Variants in HECW2 observed in about 807,000 individuals in gnomAD.
HECW2 encodes E3 ubiquitin-protein ligase HECW2.
A neutral mutation model predicts 175.2 loss-of-function variants in HECW2; 61 were observed. That is an observed-to-expected ratio of 0.35 (90% CI 0.28 to 0.43). The LOEUF is 0.43. Ranked by LOEUF, HECW2 falls within the 20% of genes least tolerant of loss-of-function variation. The pLI, the probability that HECW2 is intolerant of heterozygous loss-of-function variation, is 1.00. For missense variants in HECW2, 1,524 were observed against 2,000.5 expected, an observed-to-expected ratio of 0.76 and a Z score of 4.54; for synonymous variants, 671 against 731.0, an observed-to-expected ratio of 0.92 and a Z score of 1.32.
At chr2:196,371,921 T>C (rs989505702) in intron 2 of HECW2, among the ~76,000 whole-genome samples, 1 of 152,254 alleles carries the variant, frequency 6.6e-6, no homozygotes. Context: ...TTGTATCCCC[T>C]TTTAGAATAA....
At chr2:196,371,796 A>G (rs764568021) in intron 2 of HECW2, among the ~76,000 whole-genome samples, 7 of 152,236 alleles carry the variant, frequency 4.6e-5, no homozygotes, top group Non-Finnish European at 1.0e-4. Context: ...AGCCTCTCCT[A>G]ACCCAGGATT....
intron 13 of HECW2, among the ~76,000 whole-genome samples, chr2:196,299,338 A>AAAC (rs1690943198): frequency 6.6e-6 from 1 of 151,826 alleles, no homozygotes; most frequent in Non-Finnish European, 1.5e-5. Context: ...TTAAAAAAAA[A>AAAC]AAAAGCCTGT....
chr2:196,561,960 C>A (rs1690015256), intron 1 of HECW2, among the ~76,000 whole-genome samples: 1 of 152,176 alleles, frequency 6.6e-6, no homozygotes, highest in African/African-American at 2.4e-5. Flanking sequence ...CAGGGTTTCA[C>A]TAAGAATAAG....
At chr2:196,535,723 C>A (rs1210617141) in intron 1 of HECW2, among the ~76,000 whole-genome samples, 1 of 152,242 alleles carries the variant, frequency 6.6e-6, no homozygotes, top group South Asian at 2.1e-4. Context: ...TGCAGAGGTG[C>A]TATGAGTTCA....
At chr2:196,509,037 C>T (rs1687857873) in intron 1 of HECW2, among the ~76,000 whole-genome samples, 1 of 152,092 alleles carries the variant, frequency 6.6e-6, no homozygotes, top group South Asian at 2.1e-4. Flanking sequence ...CACTGCACTC[C>T]AGACAAAAGT....
At chr2:196,459,106 C>T (rs1281225464) in intron 1 of HECW2, among the ~76,000 whole-genome samples, 2 of 152,072 alleles carry the variant, frequency 1.3e-5, no homozygotes, top group African/African-American at 4.8e-5. Flanking sequence ...CAAGAAACAC[C>T]ACAAGACTAT....
chr2:196,278,149 T>TATAA (rs1553489745), intron 15 of HECW2, among the ~76,000 whole-genome samples: 3 of 119,590 alleles, frequency 2.5e-5, no homozygotes, highest in African/African-American at 8.3e-5. Context: ...TATATATATA[T>TATAA]ATAAAGAAAT....
intron 19 of HECW2, among the ~76,000 whole-genome samples, chr2:196,253,524 C>A (rs926393794): frequency 6.6e-6 from 1 of 152,154 alleles, no homozygotes; most frequent in Admixed American, 6.6e-5. Flanking sequence ...ATGTCCAAGT[C>A]CATTAAACTG....
At chr2:196,337,427 C>A (rs1692589114) in intron 3 of HECW2, among the ~76,000 whole-genome samples, 1 of 151,820 alleles carries the variant, frequency 6.6e-6, no homozygotes. Context: ...CAGAGCCCAG[C>A]CCTCCTGTTC....
chr2:196,312,301 T>C (rs1337188098), intron 10 of HECW2, among the ~76,000 whole-genome samples: 1 of 152,084 alleles, frequency 6.6e-6, no homozygotes. Context: ...TTTAGTAAAA[T>C]CAAGCACCTG....
At chr2:196,243,728 C>T (rs575868341) in intron 19 of HECW2, among the ~76,000 whole-genome samples, 6 of 151,500 alleles carry the variant, frequency 4.0e-5, no homozygotes, top group Non-Finnish European at 7.4e-5. Flanking sequence ...TACAGTCTTG[C>T]ACCTCCACGC....
intron 14 of HECW2, among the ~76,000 whole-genome samples, chr2:196,285,120 A>T (rs1290758663): frequency 6.6e-6 from 1 of 152,250 alleles, no homozygotes; most frequent in Admixed American, 6.5e-5. Flanking sequence ...GTGGTATTTT[A>T]GTGAAGCCAA....
At chr2:196,439,328 T>G (rs1695973156) in intron 1 of HECW2, among the ~76,000 whole-genome samples, 2 of 152,292 alleles carry the variant, frequency 1.3e-5, no homozygotes, top group South Asian at 4.1e-4. Context: ...AAGCAAATGC[T>G]GAAGACCAAC....
intron 2 of HECW2, among the ~76,000 whole-genome samples, chr2:196,345,150 C>T (rs1692906424): frequency 6.6e-6 from 1 of 152,198 alleles, no homozygotes; most frequent in South Asian, 2.1e-4. Flanking sequence ...ACATCCTCTC[C>T]TAGATAAACA....
chr2:196,394,134 C>G (rs1300966986), intron 2 of HECW2, among the ~76,000 whole-genome samples: 2 of 145,168 alleles, frequency 1.4e-5, no homozygotes, highest in Non-Finnish European at 3.0e-5. Flanking sequence ...ACATCCCACA[C>G]TGGGGCCTGT....
chr2:196,359,686 C>A (rs1304710757), intron 2 of HECW2, among the ~76,000 whole-genome samples: 1 of 152,160 alleles, frequency 6.6e-6, no homozygotes, highest in African/African-American at 2.4e-5. Context: ...TTAATGAGTT[C>A]ATATAATATG....
At chr2:196,591,481 C>G (rs573346236) in intron 1 of HECW2, among the ~76,000 whole-genome samples, 1 of 152,158 alleles carries the variant, frequency 6.6e-6, no homozygotes, top group Non-Finnish European at 1.5e-5. Context: ...ACAACCACAT[C>G]GAAGCCAAAA....
At chr2:196,333,787 C>T (rs1263686764) in intron 4 of HECW2, among the ~76,000 whole-genome samples, 6 of 152,196 alleles carry the variant, frequency 3.9e-5, no homozygotes, top group Non-Finnish European at 5.9e-5. Context: ...AAAAGTCCAA[C>T]ACAACAAGTT....
chr2:196,360,548 G>T (rs1367675843), intron 2 of HECW2, among the ~76,000 whole-genome samples: 1 of 152,148 alleles, frequency 6.6e-6, no homozygotes, highest in Non-Finnish European at 1.5e-5. Flanking sequence ...CTACTCGAGG[G>T]TGAAGGATGG....
Sources: gnomAD v4.1 joint callset for allele counts (sites outside exome capture counted in the v4.1 genomes callset) on GRCh38, gnomAD v4.1.1 for gene constraint, MANE v1.5 for transcripts, NCBI Gene and HGNC (gene_info 2026-07-23, HGNC 2026-07-21) for gene names.